RELN: variants seen among roughly 807,000 people sequenced by gnomAD.
RELN encodes reelin.
RELN carries 108 observed loss-of-function variants against 427.6 expected under a neutral mutation model. The ratio of observed to expected loss-of-function variants is 0.25; its 90% CI spans 0.22 to 0.30. The LOEUF (loss-of-function observed/expected upper bound fraction) is 0.30, where lower values mean the gene tolerates loss of function less well. Ranked by LOEUF, RELN falls within the 10% of genes least tolerant of loss-of-function variation. The probability of loss-of-function intolerance (pLI) is 1.00; values close to 1 mark genes in which losing one functional copy is unlikely to be tolerated. For synonymous variants in RELN, 1,524 were observed against 1,513.4 expected (o/e 1.01, Z -0.16); for missense variants, 3,715 against 4,302.8 (o/e 0.86, Z 3.82).
At chr7:103,791,488 A>G (rs1397008496) in intron 3 of RELN, among the ~76,000 whole-genome samples, 1 of 152,202 alleles carries the variant, frequency 6.6e-6, no homozygotes, top group Non-Finnish European at 1.5e-5. Context: ...ATGAAGAAAG[A>G]GGTCTTTAAA....
intron 30 of RELN, 27 bp from the exon 31 acceptor site, chr7:103,572,287 T>C (rs762556509): frequency 7.9e-7 from 1 of 1,264,542 alleles, no homozygotes; most frequent in Non-Finnish European, 1.2e-6. Flanking sequence ...TTAGTTTACT[T>C]ACAAACAAGA....
In RELN at chr7:103,740,891, C is replaced by T. The variant is rs201348459; in HGVS notation, c.656+8535G>A. 1.2e-4 allele frequency among the ~76,000 whole-genome samples: 19 copies of T among 152,208 alleles called. No individual in the cohort carries two copies. In the East Asian group the frequency reaches 3.1e-3, roughly 25 times the overall value. ...GGAAAATATGCTCTTATAAGTAGCACATTTTTTCTTTTGAGGTAAATTATT... is the reference window on the plus strand; with the variant it reads ...GGAAAATATGCTCTTATAAGTAGCATATTTTTTCTTTTGAGGTAAATTATT... On this transcript the variant is annotated intron_variant, in intron 6 of 64. Transcript: ENST00000428762.
intron 2 of RELN, among the ~76,000 whole-genome samples, chr7:103,914,065 C>T (rs1163236252): frequency 6.6e-6 from 1 of 152,134 alleles, no homozygotes; most frequent in Non-Finnish European, 1.5e-5. Context: ...GCAATTCAGG[C>T]TAATCAAAAT....
In RELN at chr7:103,719,897, C is replaced by T. The variant is rs565646382; in HGVS notation, c.805+3243G>A. Among the ~76,000 whole-genome samples, 40 of 152,188 alleles carry T rather than the reference C, an allele frequency of 2.6e-4. No individual in the cohort carries two copies. In the South Asian group the frequency reaches 6.9e-3, roughly 26 times the overall value. ...AATGGAAAAATGAAAAGTTCTTCTA[C>T]GAATATTTTAGGACACTTTCCAAGA... On this transcript the variant is annotated intron_variant, in intron 8 of 64. Transcript: ENST00000428762.
chr7:103,591,507 T>C (rs926606989), intron 27 of RELN, among the ~76,000 whole-genome samples: 2 of 152,350 alleles, frequency 1.3e-5, no homozygotes, highest in East Asian at 3.9e-4. Flanking sequence ...AATTTTATTG[T>C]GCACAATTTA....
intron 12 of RELN, among the ~76,000 whole-genome samples, chr7:103,658,076 C>T (rs763785945): frequency 2.6e-5 from 4 of 152,070 alleles, no homozygotes; most frequent in East Asian, 1.9e-4. Flanking sequence ...AACAAATACA[C>T]GAATGAGTTG....
intron 1 of RELN, among the ~76,000 whole-genome samples, chr7:103,926,560 A>G (rs1795740983): frequency 6.6e-6 from 1 of 151,428 alleles, no homozygotes. Context: ...ATAGATCAAC[A>G]TTAATAATAA....
At chr7:103,899,900 C>G (rs1369424374) in intron 2 of RELN, among the ~76,000 whole-genome samples, 2 of 152,128 alleles carry the variant, frequency 1.3e-5, no homozygotes, top group Non-Finnish European at 2.9e-5. Context: ...GGCAAGGATG[C>G]CCTCTTTCAC....
In RELN at chr7:103,889,554, T is replaced by C. The variant is rs567323046; in HGVS notation, c.337+27521A>G. ...AAATCTTTTTACTTTTCAGTCACCGTTGATACAAACGGGCTTAGATGGAGT... is the reference window on the plus strand; with the variant it reads ...AAATCTTTTTACTTTTCAGTCACCGCTGATACAAACGGGCTTAGATGGAGT... On this transcript the variant is annotated intron_variant, in intron 2 of 64. Transcript: ENST00000428762. 4.6e-5 allele frequency among the ~76,000 whole-genome samples: 7 copies of C among 152,298 alleles called. No homozygotes were observed. In the South Asian group the frequency reaches 8.3e-4, roughly 18 times the overall value.
At chr7:103,665,915 C>G (rs1833255391) in intron 11 of RELN, among the ~76,000 whole-genome samples, 1 of 151,684 alleles carries the variant, frequency 6.6e-6, no homozygotes, top group Non-Finnish European at 1.5e-5. Context: ...TTTTATATTG[C>G]ATTATGTGTT....
chr7:103,562,289 G>T (rs1562892582), intron 34 of RELN, among the ~76,000 whole-genome samples: 1 of 152,062 alleles, frequency 6.6e-6, no homozygotes, highest in Non-Finnish European at 1.5e-5. Context: ...TTTGCTTTCA[G>T]ACTCTTATTG....
intron 1 of RELN, among the ~76,000 whole-genome samples, chr7:103,949,866 T>C (rs1031032389): frequency 4.6e-5 from 7 of 152,184 alleles, no homozygotes; most frequent in African/African-American, 1.4e-4. Flanking sequence ...AGTTAGTGCC[T>C]AGAAGTTCAG....
In RELN at chr7:103,903,145, A is replaced by C. The variant is rs140075892; in HGVS notation, c.337+13930T>G. Reference sequence around the variant, plus strand: ...CTGCGAGGTCAGAGTCAACCTTTGAAGTTTATTCCCTGAAGCGTATACTTC... The same window carrying C: ...CTGCGAGGTCAGAGTCAACCTTTGACGTTTATTCCCTGAAGCGTATACTTC... On this transcript the variant is annotated intron_variant, in intron 2 of 64. Transcript: ENST00000428762. Among the ~76,000 whole-genome samples the C allele has an allele frequency of 3.9e-5, 6 of 152,198 alleles. No homozygotes were observed. In the East Asian group the frequency reaches 1.2e-3, roughly 29 times the overall value.
chr7:103,598,886 G>A (rs562050279), intron 24 of RELN, among the ~76,000 whole-genome samples: 1 of 152,330 alleles, frequency 6.6e-6, no homozygotes, highest in East Asian at 1.9e-4. Context: ...CTGTTACGCT[G>A]TGATCAATGT....
intron 3 of RELN, among the ~76,000 whole-genome samples, chr7:103,787,849 C>T (rs1004326350): frequency 8.5e-5 from 13 of 152,100 alleles, no homozygotes; most frequent in Non-Finnish European, 1.6e-4. Flanking sequence ...CCAGCATCAT[C>T]CTAATACCAA....
chr7:103,621,023 G>A (rs1045849496), intron 20 of RELN, among the ~76,000 whole-genome samples: 2 of 152,172 alleles, frequency 1.3e-5, no homozygotes, highest in Non-Finnish European at 2.9e-5. Context: ...GCAACCACGT[G>A]CCTTATTTAG....
chr7:103,569,694 G>T lies in RELN; in HGVS notation c.4588+2490C>A, dbSNP rs1232661258. On this transcript the variant is annotated intron_variant, in intron 31 of 64. Coordinates refer to ENST00000428762, the MANE Select transcript of RELN (RefSeq NM_005045.4). This position sits in a 1 kb window ranked among gnomAD's most constrained non-coding sequence, Gnocchi z 4.0. ...AGAGATGAGGGCCCCAATTCCAAAG[G>T]ACAAAGAAGGAGAGCCTCTCAGATA... 6.6e-6 allele frequency among the ~76,000 whole-genome samples: 1 copy of T among 152,098 alleles called. No homozygotes were observed. The highest frequency in any genetic ancestry group is 1.5e-5 in the Non-Finnish European group (1 of 68,014).
chr7:103,512,836 C>A (rs958076925), intron 50 of RELN: 1 of 152,182 alleles, frequency 6.6e-6, no homozygotes, highest in African/African-American at 2.4e-5. Context: ...CAGGTGCAGC[C>A]GGAGGCTTGG....
chr7:103,914,590 A>G (rs1325261994), intron 2 of RELN, among the ~76,000 whole-genome samples: 1 of 151,992 alleles, frequency 6.6e-6, no homozygotes, highest in East Asian at 1.9e-4. Flanking sequence ...ATGGCTTTAC[A>G]TAAATCACTT....
Sources: gnomAD v4.1 joint callset for allele counts (sites outside exome capture counted in the v4.1 genomes callset) on GRCh38, gnomAD v4.1.1 for gene constraint, Gnocchi (gnomAD v3.1) non-coding constraint, MANE v1.5 for transcripts, NCBI Gene and HGNC (gene_info 2026-07-23, HGNC 2026-07-21) for gene names.